MIR2052HG: variants seen among roughly 807,000 people sequenced by gnomAD.
MIR2052HG encodes the protein MIR2052 host gene.
intron 2 of MIR2052HG, among the ~76,000 whole-genome samples, chr8:74,647,543 G>GA (rs1808702416): frequency 6.6e-6 from 1 of 152,110 alleles, no homozygotes; most frequent in African/African-American, 2.4e-5. Flanking sequence ...CAGATTTATT[G>GA]AAAAAATGTT....
At position 74,619,514 on chromosome 8, in the gene MIR2052HG, C is replaced by T. The variant is rs955378681; in HGVS notation, n.216+6574C>T. ...GAGGTTTTATAGACTCATAGTTCTG[C>T]ATTGCTTGGGAGGCCTCAGGAAACT... is the stretch of plus-strand genomic sequence containing the variant. On this transcript the variant is annotated intron_variant and non_coding_transcript_variant, in intron 2 of 6. Coordinates refer to ENST00000523442, the Ensembl canonical transcript of MIR2052HG. Among the ~76,000 whole-genome samples, 13 of 152,276 alleles carry T rather than the reference C, an allele frequency of 8.5e-5. No individual in the cohort carries two copies. In the South Asian group the frequency reaches 2.1e-3, roughly 24 times the overall value.
At chr8:74,617,512 C>T in intron 2 of MIR2052HG, among the ~76,000 whole-genome samples, 1 of 151,286 alleles carries the variant, frequency 6.6e-6, no homozygotes, top group East Asian at 1.9e-4. Flanking sequence ...TATATGCACA[C>T]ATTTTATATA....
At chr8:74,756,113 A>G (rs930730430) in intron 5 of MIR2052HG, among the ~76,000 whole-genome samples, 9 of 152,198 alleles carry the variant, frequency 5.9e-5, no homozygotes, top group African/African-American at 2.2e-4. Flanking sequence ...ATTTGCTAGA[A>G]TGGCTTACAA....
chr8:74,644,084 G>A (rs78570463), intron 2 of MIR2052HG, among the ~76,000 whole-genome samples: 6,804 of 152,178 alleles, frequency 0.045, 228 homozygotes, highest in Non-Finnish European at 0.053. Context: ...AGTGAAGTCC[G>A]AACTCACTAG....
intron 2 of MIR2052HG, among the ~76,000 whole-genome samples, chr8:74,666,462 C>A (rs965091593): frequency 2.0e-5 from 3 of 152,060 alleles, no homozygotes; most frequent in African/African-American, 7.2e-5. Context: ...TTCACTATTG[C>A]CTTTGTTTAT....
At chr8:74,670,824 G>A (rs1209545351) in intron 2 of MIR2052HG, among the ~76,000 whole-genome samples, 3 of 152,060 alleles carry the variant, frequency 2.0e-5, no homozygotes, top group Admixed American at 2.0e-4. Flanking sequence ...TAGTGCAAGA[G>A]GAAGGGGTTT....
At chr8:74,689,981 C>G (rs1212047238) in intron 2 of MIR2052HG, among the ~76,000 whole-genome samples, 2 of 151,966 alleles carry the variant, frequency 1.3e-5, no homozygotes, top group Admixed American at 6.6e-5. Context: ...AGATAGAAAA[C>G]CCTGAGTAAA....
At chr8:74,662,194 T>G (rs1341267684) in intron 2 of MIR2052HG, among the ~76,000 whole-genome samples, 1 of 152,164 alleles carries the variant, frequency 6.6e-6, no homozygotes, top group East Asian at 1.9e-4. Context: ...ATCAAAGGCT[T>G]TTTCAATGGT....
intron 4 of MIR2052HG, among the ~76,000 whole-genome samples, chr8:74,726,128 G>A (rs1391887668): frequency 6.6e-6 from 1 of 152,174 alleles, no homozygotes; most frequent in Non-Finnish European, 1.5e-5. Context: ...GGGAGGCGGA[G>A]GTTGCAGTGA....
At chr8:74,631,740 G>T (rs1463919393) in intron 2 of MIR2052HG, among the ~76,000 whole-genome samples, 1 of 152,120 alleles carries the variant, frequency 6.6e-6, no homozygotes, top group African/African-American at 2.4e-5. Flanking sequence ...TTGGAGGATG[G>T]GGAGTCCAAG....
intron 2 of MIR2052HG, among the ~76,000 whole-genome samples, chr8:74,667,802 T>C (rs1055982998): frequency 1.3e-5 from 2 of 152,138 alleles, no homozygotes; most frequent in Admixed American, 6.5e-5. Context: ...CCCCTTGTGA[T>C]TGTGGCCTGA....
chr8:74,633,013 ATTTGTTTG>A (rs369694068), intron 2 of MIR2052HG, among the ~76,000 whole-genome samples: 2 of 151,236 alleles, frequency 1.3e-5, no homozygotes, highest in Non-Finnish European at 3.0e-5. Flanking sequence ...CTACTCTTTT[ATTTGTTTG>A]TTTGTTTGTT....
intron 2 of MIR2052HG, among the ~76,000 whole-genome samples, chr8:74,669,761 C>T (rs949274849): frequency 2.1e-4 from 32 of 152,044 alleles, no homozygotes; most frequent in African/African-American, 7.5e-4. Flanking sequence ...TCTATCTTCT[C>T]CTCCCTTGGA....
chr8:74,696,770 A>G (rs1189470755), intron 2 of MIR2052HG, among the ~76,000 whole-genome samples: 1 of 151,718 alleles, frequency 6.6e-6, no homozygotes, highest in Non-Finnish European at 1.5e-5. Context: ...TTAAACCAGG[A>G]AGAAATAAAA....
chr8:74,699,550 A>T (rs1035986990), intron 2 of MIR2052HG, among the ~76,000 whole-genome samples: 2 of 151,946 alleles, frequency 1.3e-5, no homozygotes, highest in Non-Finnish European at 2.9e-5. Context: ...TAAAAACAAC[A>T]TCGTATGTCC....
At chr8:74,615,414 G>A (rs1488371640) in intron 2 of MIR2052HG, among the ~76,000 whole-genome samples, 1 of 152,190 alleles carries the variant, frequency 6.6e-6, no homozygotes, top group African/African-American at 2.4e-5. Context: ...TGAAGATGAG[G>A]AAAACAGAGG....
chr8:74,737,960 G>C (rs1013972723), intron 4 of MIR2052HG, among the ~76,000 whole-genome samples: 1 of 152,058 alleles, frequency 6.6e-6, no homozygotes, highest in Non-Finnish European at 1.5e-5. Context: ...ATGACCAAGT[G>C]AATCTTTTAT....
intron 2 of MIR2052HG, among the ~76,000 whole-genome samples, chr8:74,671,339 T>C (rs866233124): frequency 1.3e-5 from 2 of 152,150 alleles, no homozygotes; most frequent in Admixed American, 6.6e-5. Flanking sequence ...CTGTCATTTT[T>C]GGTTGACCAG....
At chr8:74,608,084 G>A (rs558218623) in intron 1 of MIR2052HG, among the ~76,000 whole-genome samples, 38 of 152,286 alleles carry the variant, frequency 2.5e-4, no homozygotes, top group Non-Finnish European at 3.1e-4. Flanking sequence ...GTAAATTGGC[G>A]GCTGTCTCTT....
Sources: allele counts gnomAD v4.1 joint callset (sites outside exome capture counted in the v4.1 genomes callset), GRCh38; gene constraint gnomAD v4.1.1; transcripts MANE v1.5; gene names NCBI Gene and HGNC (gene_info 2026-07-23, HGNC 2026-07-21).